CFAP47: variants seen among roughly 807,000 people sequenced by gnomAD.
CFAP47 encodes cilia and flagella associated protein 47, also known as cilia- and flagella-associated protein 47.
In CFAP47, 29 loss-of-function variants were observed where a neutral mutation model predicts 148.1. The ratio of observed to expected loss-of-function variants is 0.20; its 90% confidence interval spans 0.15 to 0.27. The LOEUF (loss-of-function observed/expected upper bound fraction) is 0.27, where lower values mean the gene tolerates loss of function less well. CFAP47 is among the 10% of genes least tolerant of loss of function. CFAP47 has a pLI of 1.00. For synonymous variants in CFAP47, 664 were observed against 577.3 expected (o/e 1.15, Z -2.15); for missense variants, 1,872 against 1,697.5 (o/e 1.10, Z -1.81).
At chrX:36,175,655 A>T (rs1443918689) in intron 39 of CFAP47, among the ~76,000 whole-genome samples, 1 of 111,914 alleles carries the variant, frequency 8.9e-6, no homozygotes, top group East Asian at 2.8e-4. Flanking sequence ...CAGTCTGCCC[A>T]TTCTCAGATC....
intron 45 of CFAP47, among the ~76,000 whole-genome samples, chrX:36,206,541 ATG>A (rs1555988800): frequency 8.9e-6 from 1 of 111,913 alleles, no homozygotes; most frequent in Non-Finnish European, 1.9e-5. Flanking sequence ...CACATATAGA[ATG>A]TGTTTATAAA....
intron 40 of CFAP47, among the ~76,000 whole-genome samples, chrX:36,180,577 C>G (rs1246699469): frequency 8.9e-6 from 1 of 112,155 alleles, no homozygotes; most frequent in Admixed American, 9.5e-5. Context: ...AGTGCTTGTA[C>G]AGATCTTGCT....
At chrX:36,372,038 G>GTA (rs1941975791) in intron 62 of CFAP47, among the ~76,000 whole-genome samples, 1 of 103,102 alleles carries the variant, frequency 9.7e-6, no homozygotes, top group African/African-American at 3.6e-5. Flanking sequence ...ATATGTGTGT[G>GTA]TGTATATATA....
intron 26 of CFAP47, 124 bp downstream of exon 26, chrX:36,047,187 A>T (rs1937476966): frequency 3.9e-6 from 2 of 517,375 alleles, no homozygotes; most frequent in South Asian, 7.9e-5. Flanking sequence ...CATAAAGATT[A>T]TTTCTAAAAT....
intron 30 of CFAP47, among the ~76,000 whole-genome samples, chrX:36,094,830 A>G (rs1938246204): frequency 1.8e-5 from 2 of 111,205 alleles, no homozygotes; most frequent in Admixed American, 9.5e-5. Context: ...AACAAGGATA[A>G]TTTGACTTTT....
At chrX:36,263,013 T>C (rs1446508213) in intron 49 of CFAP47, among the ~76,000 whole-genome samples, 1 of 112,294 alleles carries the variant, frequency 8.9e-6, no homozygotes. Flanking sequence ...TTTGTATGTC[T>C]TCTTTTGAGA....
chrX:36,215,953 G>A (rs1346004107), intron 45 of CFAP47, among the ~76,000 whole-genome samples: 1 of 111,697 alleles, frequency 9.0e-6, no homozygotes, highest in Non-Finnish European at 1.9e-5. Context: ...TAATCATTCT[G>A]AGAACTACTC....
At position 35,951,902 on chromosome X, in the gene CFAP47, C is replaced by G; in HGVS notation, c.985C>G (p.Pro329Ala). ...TACTACTATCATTATCTCCTGTCTT[C>G]CTAATGAAGGGACTTTACAACCTTA... ...IDTTIIISCLPNEGTLQPYQK... is the reference protein window; with the variant it reads ...IDTTIIISCLANEGTLQPYQK... The change falls in exon 6 of 64, where the codon CCT becomes GCT. Residue 329 changes from proline (P) to alanine (A), a missense_variant. Transcript: ENST00000378653. The G allele has an allele frequency of 8.5e-7, 1 of 1,178,455 alleles. No homozygotes were observed. The highest frequency in any genetic ancestry group is 1.1e-6 in the Non-Finnish European group (1 of 885,959).
intron 53 of CFAP47, among the ~76,000 whole-genome samples, chrX:36,302,044 A>G (rs1932772935): frequency 9.2e-6 from 1 of 109,161 alleles, no homozygotes; most frequent in Admixed American, 1.0e-4. Flanking sequence ...TTACAGTAGC[A>G]TAGATATCTA....
At chrX:35,965,885 A>C (rs1421833586) in intron 8 of CFAP47, among the ~76,000 whole-genome samples, 1 of 111,270 alleles carries the variant, frequency 9.0e-6, no homozygotes, top group East Asian at 2.8e-4. Context: ...ATTTTAAAGA[A>C]TGGGATTACA....
chrX:36,328,353 C>A (rs1318414296), intron 57 of CFAP47, among the ~76,000 whole-genome samples: 1 of 111,851 alleles, frequency 8.9e-6, no homozygotes. Flanking sequence ...TTGATTGGAA[C>A]ACCTAATATT....
At position 35,997,393 on chromosome X, in the gene CFAP47, A is replaced by G; in HGVS notation, c.3177+4A>G. The G allele has an allele frequency of 3.4e-6, 1 of 294,658 alleles. No individual in the cohort carries two copies. The highest frequency in any genetic ancestry group is 6.1e-5 in the Admixed American group (1 of 16,321). 24.3% of individuals were successfully genotyped at this position (294,658 alleles called of 1,213,427 possible). On this transcript the variant is annotated splice_donor_region_variant and intron_variant, in intron 19 of 63. Coordinates refer to ENST00000378653, the MANE Select transcript of CFAP47 (RefSeq NM_001304548.2). ...TGCTGATGTAGAAATCAATCCTGTG[A>G]GTATGTTACTTATTTGTGTGATGAA...
At chrX:35,937,107 T>G (rs1038992343) in intron 2 of CFAP47, among the ~76,000 whole-genome samples, 1 of 60,351 alleles carries the variant, frequency 1.7e-5, no homozygotes, top group Non-Finnish European at 2.8e-5. Context: ...AATTGCTGTT[T>G]TTTTTTTTTT....
At chrX:36,348,058 T>G (rs1230928003) in intron 57 of CFAP47, 71 bp from the exon 58 acceptor site, 1 of 602,114 alleles carries the variant, frequency 1.7e-6, no homozygotes, top group Non-Finnish European at 2.3e-6. Flanking sequence ...ATTAGGTGTT[T>G]ACCTTCTCCT....
intron 8 of CFAP47, among the ~76,000 whole-genome samples, chrX:35,961,804 T>C (rs1026162870): frequency 9.0e-6 from 1 of 111,550 alleles, no homozygotes; most frequent in Admixed American, 9.6e-5. Flanking sequence ...CCTAACATTT[T>C]CTATTATCTT....
intron 49 of CFAP47, among the ~76,000 whole-genome samples, chrX:36,277,045 G>A (rs1182298810): frequency 1.8e-5 from 2 of 111,803 alleles, no homozygotes; most frequent in Non-Finnish European, 1.9e-5. Context: ...TGAGAGGACT[G>A]CAGTGAGAAC....
Position 36,063,323 on chromosome X carries a change from T to C in CFAP47, c.4218-2320T>C, listed in dbSNP as rs146083621. 4.3e-4 allele frequency among the ~76,000 whole-genome samples: 48 copies of C among 111,691 alleles called. 1 individual carries two copies. The East Asian group carries it at 0.012, about 27-fold the overall frequency. On this transcript the variant is annotated intron_variant, in intron 26 of 63. Coordinates refer to ENST00000378653, the MANE Select transcript of CFAP47 (RefSeq NM_001304548.2). Reference sequence around the variant, plus strand: ...CTCCAGAAATATTTTTATTAAAATATAGGCTATTGGTACTACCAACTGTAT... The same window carrying C: ...CTCCAGAAATATTTTTATTAAAATACAGGCTATTGGTACTACCAACTGTAT...
chrX:36,243,315 CA>C (rs782599996), intron 48 of CFAP47, among the ~76,000 whole-genome samples: 2 of 110,001 alleles, frequency 1.8e-5, no homozygotes, highest in East Asian at 2.9e-4. Context: ...ATGATAGTAT[CA>C]AAATTTCACA....
chrX:36,377,111 T>G (rs1942031236), intron 62 of CFAP47, among the ~76,000 whole-genome samples: 1 of 111,628 alleles, frequency 9.0e-6, no homozygotes, highest in Non-Finnish European at 1.9e-5. Flanking sequence ...TATAGCAGCA[T>G]GATTTATAAT....
Sources: gnomAD v4.1 joint callset for allele counts (sites outside exome capture counted in the v4.1 genomes callset) on GRCh38, gnomAD v4.1.1 for gene constraint, MANE v1.5 for transcripts, NCBI Gene and HGNC (gene_info 2026-07-23, HGNC 2026-07-21) for gene names.